The following HOXB3 variants were observed in gnomAD, a reference collection of about 807,000 sequenced individuals.
HOXB3 encodes homeobox protein Hox-B3.
In HOXB3, 17 loss-of-function variants were observed where a neutral mutation model predicts 29.2. The observed-to-expected ratio is 0.58, with a 90% CI of 0.40 to 0.87. HOXB3 has a LOEUF of 0.87. Ranked by LOEUF, HOXB3 falls within the 40% of genes least tolerant of loss-of-function variation. HOXB3 has a pLI of 0.00. For missense variants in HOXB3, 637 were observed against 616.3 expected (o/e 1.03, Z -0.35); for synonymous variants, 317 against 285.9 (o/e 1.11, Z -1.10).
chr17:48,569,688 G>A lies in HOXB3; in HGVS notation c.-247+4149C>T, dbSNP rs1451939054. On this transcript the variant is annotated intron_variant, in intron 2 of 4. Coordinates refer to ENST00000498678, the MANE Select transcript of HOXB3 (RefSeq NM_001384749.1). ...CTAAATAATGGACAAAATTTCTGAAGGAGCCACTTTGAAAATAAACACTTC... is the reference window on the plus strand; with the variant it reads ...CTAAATAATGGACAAAATTTCTGAAAGAGCCACTTTGAAAATAAACACTTC... Among the ~76,000 whole-genome samples the A allele has an allele frequency of 2.6e-5, 4 of 152,164 alleles. No individual in the cohort carries two copies. The East Asian group carries it at 7.7e-4, about 29-fold the overall frequency.
At chr17:48,582,575 T>A (rs2069969767) in intron 1 of HOXB3, 1 of 152,208 alleles carries the variant, frequency 6.6e-6, no homozygotes, top group African/African-American at 2.4e-5. Context: ...CGCCGTGACC[T>A]GCGGTTCACC....
At chr17:48,568,288 T>C (rs564673197) in intron 2 of HOXB3, among the ~76,000 whole-genome samples, 128 of 152,334 alleles carry the variant, frequency 8.4e-4, no homozygotes, top group Non-Finnish European at 1.4e-3. Context: ...CTCACAAATA[T>C]AATTTTTATA....
At chr17:48,555,980 C>G (rs1227205466) in intron 2 of HOXB3, among the ~76,000 whole-genome samples, 1 of 152,042 alleles carries the variant, frequency 6.6e-6, no homozygotes, top group African/African-American at 2.4e-5. Context: ...CACACAGACA[C>G]ACACACACAC....
intron 1 of HOXB3, chr17:48,580,661 A>T (rs939326452): frequency 2.6e-5 from 4 of 152,246 alleles, no homozygotes; most frequent in Non-Finnish European, 5.9e-5. Flanking sequence ...TAAAAGATGC[A>T]GCCAGATGAT....
rs772221462 is a variant in HOXB3 at position 48,552,374 on chromosome 17, T to C, written c.101A>G (p.Gln34Arg). 16 of 1,611,720 alleles carry C rather than the reference T, an allele frequency of 9.9e-6. No individual in the cohort carries two copies. In the African/African-American group the frequency reaches 2.0e-4, roughly 20 times the overall value. Residue 34 changes from glutamine to arginine, a missense_variant, in exon 4 of 5, where the codon CAA becomes CGA. By Grantham distance (43) the Gln-to-Arg change is conservative. Coordinates refer to ENST00000498678, the MANE Select transcript of HOXB3 (RefSeq NM_001384749.1). ...GTGCGTGGCGGCCTGAAATGGGGGT[T>C]GGGGGGGGACATCGAAGCCGAAGCC... is the stretch of plus-strand genomic sequence containing the variant. ...SNGFGFDVPPQPPFQAATHLE... is the reference protein window; with the variant it reads ...SNGFGFDVPPRPPFQAATHLE...
intron 1 of HOXB3, chr17:48,580,998 C>T (rs1379116504): frequency 6.6e-6 from 1 of 152,180 alleles, no homozygotes; most frequent in East Asian, 1.9e-4. Flanking sequence ...AAGCCTCCAC[C>T]CCACCCAGAC....
At chr17:48,587,168 A>G (rs1174939688) in intron 1 of HOXB3, among the ~76,000 whole-genome samples, 1 of 151,948 alleles carries the variant, frequency 6.6e-6, no homozygotes, top group Non-Finnish European at 1.5e-5. Context: ...TCCAATCTCA[A>G]CCTCAGAGTC....
intron 1 of HOXB3, chr17:48,575,042 C>A (rs753379012): frequency 1.7e-4 from 26 of 152,196 alleles, no homozygotes; most frequent in Non-Finnish European, 3.2e-4. Context: ...GAAAGCGATA[C>A]CTTCTTATGC....
rs146385255 is a variant in HOXB3 at position 48,563,012 on chromosome 17, G to A, written c.-246-7394C>T. On this transcript the variant is annotated intron_variant, in intron 2 of 4. Transcript: ENST00000498678. ...AGCAGTAATGGTGGGACACAAGGCT[G>A]CCAAGGTCCAGCCTCAAACCACGGA... Among the ~76,000 whole-genome samples, 46 of 152,310 alleles carry A rather than the reference G, an allele frequency of 3.0e-4. No individual in the cohort carries two copies. In the Middle Eastern group the frequency reaches 0.014, roughly 45 times the overall value.
At chr17:48,551,262 G>C in intron 4 of HOXB3, 81 bp from the exon 5 acceptor site, 1 of 1,233,532 alleles carries the variant, frequency 8.1e-7, no homozygotes, top group Non-Finnish European at 1.0e-6. Context: ...TGAATGCATC[G>C]TTTCTTAATA....
Position 48,554,597 on chromosome 17 carries a change from G to A in HOXB3, c.-159+934C>T, listed in dbSNP as rs1198099441. On this transcript the variant is annotated intron_variant, in intron 3 of 4. Transcript: ENST00000498678. The surrounding 1 kb of genome is among the most constrained non-coding windows in gnomAD (Gnocchi z 4.1). ...CAGGCTGCCTCAGCCGGTCGCTGCTGCCGCGGCGACTGGCGACAAGCTACC... is the reference window on the plus strand; with the variant it reads ...CAGGCTGCCTCAGCCGGTCGCTGCTACCGCGGCGACTGGCGACAAGCTACC... 1.4e-6 allele frequency: 1 copy of A among 700,350 alleles called. No homozygotes were observed. The highest frequency in any genetic ancestry group is 2.6e-6 in the Non-Finnish European group (1 of 384,084). 43.4% of individuals were successfully genotyped at this position (700,350 alleles called of 1,614,324 possible).
chr17:48,555,182 G>T (rs528980564), intron 3 of HOXB3, among the ~76,000 whole-genome samples: 40 of 151,984 alleles, frequency 2.6e-4, no homozygotes, highest in African/African-American at 9.7e-4. Flanking sequence ...AAAATTAATG[G>T]GAGAAAGAAA....
In HOXB3 at chr17:48,551,135, ACTGCCTCCGCCGCCGCCGCCACCG is replaced by A. The variant is rs748424125; in HGVS notation, c.471_494del (p.Gly160_Gly167del). The A allele has an allele frequency of 7.6e-7, 1 of 1,313,996 alleles. No homozygotes were observed. The highest frequency in any genetic ancestry group is 9.7e-7 in the Non-Finnish European group (1 of 1,033,244). 81.4% of individuals were successfully genotyped at this position (1,313,996 alleles called of 1,614,324 possible). On this transcript the variant is annotated inframe_deletion, in exon 5 of 5. Coordinates refer to ENST00000498678, the MANE Select transcript of HOXB3 (RefSeq NM_001384749.1). ...CGCCGCCACCGCCCCCGCTGCCACC[ACTGCCTCCGCCGCCGCCGCCACCG>A]CCGCCGCCACCACAGCCCTCTGCTG... is the stretch of plus-strand genomic sequence containing the variant.
At chr17:48,559,817 T>C (rs2069130491) in intron 2 of HOXB3, 1 of 152,312 alleles carries the variant, frequency 6.6e-6, no homozygotes, top group Non-Finnish European at 1.5e-5. Context: ...GCTGTACTTT[T>C]TCCCCACCCC....
intron 1 of HOXB3, chr17:48,574,518 G>A (rs963839729): frequency 6.6e-6 from 1 of 152,140 alleles, no homozygotes; most frequent in African/African-American, 2.4e-5. Context: ...GGGTGGGATT[G>A]GTTCTTTTTA....
intron 2 of HOXB3, among the ~76,000 whole-genome samples, chr17:48,571,144 C>T (rs543238764): frequency 6.6e-6 from 1 of 152,316 alleles, no homozygotes; most frequent in East Asian, 1.9e-4. Flanking sequence ...TGATCGCGAG[C>T]CGAGCACTTT....
chr17:48,552,610 G>A lies in HOXB3; in HGVS notation c.-136C>T, dbSNP rs1242381561. On this transcript the variant is annotated 5_prime_UTR_variant, in exon 4 of 5. Transcript: ENST00000498678. ...CCTCCCCTCTCTGCCCCCCTCCTCC[G>A]GGGTCTGTTCCAAGCGGCTGACCTG... is the stretch of plus-strand genomic sequence containing the variant. 3.6e-6 allele frequency: 2 copies of A among 559,322 alleles called. No individual in the cohort carries two copies. Among genetic ancestry groups the A allele is most frequent in the Non-Finnish European group, 5.7e-6 (2 of 350,370 alleles). The allele number at this position is 559,322 out of a possible 1,614,324, so 34.6% of individuals were successfully genotyped here.
intron 1 of HOXB3, among the ~76,000 whole-genome samples, chr17:48,583,239 T>A (rs1014062884): frequency 6.6e-6 from 1 of 152,138 alleles, no homozygotes; most frequent in South Asian, 2.1e-4. Flanking sequence ...GCCGGCGACA[T>A]AACTTTCAGA....
intron 1 of HOXB3, chr17:48,579,436 GT>G (rs946022021): frequency 6.5e-6 from 1 of 152,734 alleles, no homozygotes; most frequent in African/African-American, 2.4e-5. Flanking sequence ...AGGTCATCTT[GT>G]TCTGAACTGA....
Sources: gnomAD v4.1 joint callset for allele counts (sites outside exome capture counted in the v4.1 genomes callset) on GRCh38, gnomAD v4.1.1 for gene constraint, Gnocchi (gnomAD v3.1) non-coding constraint, MANE v1.5 for transcripts, NCBI Gene and HGNC (gene_info 2026-07-23, HGNC 2026-07-21) for gene names.